ADTRP: variants seen among roughly 807,000 people sequenced by gnomAD.
The protein encoded by ADTRP is androgen dependent TFPI regulating protein.
Under a neutral mutation model 27.0 loss-of-function variants are expected in ADTRP, and 20 were observed. That is an observed-to-expected ratio of 0.74 (90% CI 0.52 to 1.08). The LOEUF (loss-of-function observed/expected upper bound fraction) is 1.08, where lower values mean the gene tolerates loss of function less well. ADTRP is among the 50% of genes least tolerant of loss of function. The probability of loss-of-function intolerance (pLI) is 0.00; values close to 1 mark genes in which losing one functional copy is unlikely to be tolerated. For synonymous variants in ADTRP, 101 were observed against 105.2 expected, an observed-to-expected ratio of 0.96 and a Z score of 0.25; for missense variants, 251 against 275.0, an observed-to-expected ratio of 0.91 and a Z score of 0.62.
chr6:11,753,607 C>A (rs989633998), intron 3 of ADTRP, among the ~76,000 whole-genome samples: 17 of 152,064 alleles, frequency 1.1e-4, no homozygotes, highest in African/African-American at 4.1e-4. Context: ...AAAGAGTATG[C>A]ATATTAATTA....
At chr6:11,771,679 A>G (rs1243545641) in intron 1 of ADTRP, among the ~76,000 whole-genome samples, 2 of 152,212 alleles carry the variant, frequency 1.3e-5, no homozygotes, top group Non-Finnish European at 2.9e-5. Flanking sequence ...CACCAAATTC[A>G]TATGTCGAAA....
rs373274494 is a variant in ADTRP at position 11,775,018 on chromosome 6, C to A, written c.153+3589G>T. Among the ~76,000 whole-genome samples, 30 of 152,270 alleles carry A rather than the reference C, an allele frequency of 2.0e-4. No individual in the cohort carries two copies. In the East Asian group the frequency reaches 5.2e-3, roughly 27 times the overall value. On this transcript the variant is annotated intron_variant, in intron 1 of 5. Coordinates refer to ENST00000414691, the MANE Select transcript of ADTRP (RefSeq NM_032744.4). Reference sequence around the variant, plus strand: ...TGTCTGCTGGAGCCTGCAGACTCTACCACCAGGACGGCCTGGTGCCTGCGG... The same window carrying A: ...TGTCTGCTGGAGCCTGCAGACTCTAACACCAGGACGGCCTGGTGCCTGCGG...
chr6:11,722,940 T>A (rs976306924), intron 5 of ADTRP, among the ~76,000 whole-genome samples: 1 of 152,152 alleles, frequency 6.6e-6, no homozygotes, highest in Non-Finnish European at 1.5e-5. Flanking sequence ...CTGGACTCAC[T>A]TCCCTCAAAA....
At chr6:11,715,825 T>G (rs1223640196) in intron 5 of ADTRP, among the ~76,000 whole-genome samples, 6 of 129,632 alleles carry the variant, frequency 4.6e-5, no homozygotes, top group Admixed American at 7.9e-5. Flanking sequence ...TTTTTTTTTT[T>G]TTTTTTTTTT....
chr6:11,744,492 G>A (rs905442837), intron 3 of ADTRP, among the ~76,000 whole-genome samples: 4 of 152,192 alleles, frequency 2.6e-5, no homozygotes, highest in Admixed American at 6.5e-5. Context: ...AGCAGGAGCT[G>A]GCAGCCCTAC....
intron 3 of ADTRP, chr6:11,754,986 G>A: frequency 1.0e-6 from 1 of 961,566 alleles, no homozygotes; most frequent in Non-Finnish European, 1.2e-6. Flanking sequence ...TTTAGTTTTT[G>A]CTCTTAGTAT....
At position 11,778,626 on chromosome 6, in the gene ADTRP, T is replaced by A. The variant is rs768284693; in HGVS notation, c.134A>T (p.Tyr45Phe). The change falls in exon 1 of 6, where the codon TAT becomes TTT. Residue 45 changes from tyrosine (Y) to phenylalanine (F), a missense_variant. Physicochemically the swap from Tyr to Phe is conservative, Grantham distance 22 (BLOSUM62 3). Transcript: ENST00000414691. Reference sequence around the variant, plus strand: ...ACTTACCAGATTAAGCAGCGTCATATATTTCCACCTTGCACCATTTGCCAA... The same window carrying A: ...ACTTACCAGATTAAGCAGCGTCATAAATTTCCACCTTGCACCATTTGCCAA... ...KILANGARWK[Y>F]MTLLNLLLQT... 1.2e-6 allele frequency: 2 copies of A among 1,614,238 alleles called. No individual in the cohort carries two copies. Among genetic ancestry groups the A allele is most frequent in the East Asian group, 4.5e-5 (2 of 44,892 alleles).
chr6:11,753,911 A>G (rs997550251), intron 3 of ADTRP, among the ~76,000 whole-genome samples: 4 of 152,202 alleles, frequency 2.6e-5, no homozygotes, highest in Admixed American at 2.0e-4. Context: ...TTCTGTTTCA[A>G]TGCCAACATA....
chr6:11,727,045 T>G (rs1281082523), intron 4 of ADTRP, among the ~76,000 whole-genome samples: 2 of 152,198 alleles, frequency 1.3e-5, no homozygotes. Context: ...TTTTTTTAGA[T>G]GGAGTCTCAC....
intron 5 of ADTRP, among the ~76,000 whole-genome samples, chr6:11,718,350 C>T (rs1298268495): frequency 2.0e-5 from 3 of 152,218 alleles, no homozygotes; most frequent in African/African-American, 7.2e-5. Flanking sequence ...GGTGTTTAGC[C>T]CCTTTCTGTG....
At chr6:11,725,075 T>C (rs1460354044) in intron 4 of ADTRP, among the ~76,000 whole-genome samples, 1 of 152,236 alleles carries the variant, frequency 6.6e-6, no homozygotes, top group Non-Finnish European at 1.5e-5. Flanking sequence ...CCAAGGGTGA[T>C]CTCTGTCATT....
intron 3 of ADTRP, among the ~76,000 whole-genome samples, chr6:11,739,880 C>T (rs1382517337): frequency 6.6e-6 from 1 of 152,192 alleles, no homozygotes; most frequent in African/African-American, 2.4e-5. Flanking sequence ...AGGCTGATCA[C>T]ACTCTTATCC....
chr6:11,769,364 T>G (rs1001737535), intron 1 of ADTRP, among the ~76,000 whole-genome samples: 1 of 152,128 alleles, frequency 6.6e-6, no homozygotes, highest in African/African-American at 2.4e-5. Flanking sequence ...GAACAATCTT[T>G]GAGCTCTGGA....
intron 1 of ADTRP, among the ~76,000 whole-genome samples, chr6:11,770,309 A>C (rs765285143): frequency 1.8e-4 from 27 of 152,144 alleles, no homozygotes; most frequent in Non-Finnish European, 3.2e-4. Flanking sequence ...GATTCTAATC[A>C]CGGGCAGCTG....
intron 3 of ADTRP, among the ~76,000 whole-genome samples, chr6:11,749,350 C>A (rs1762968846): frequency 6.6e-6 from 1 of 152,060 alleles, no homozygotes; most frequent in Non-Finnish European, 1.5e-5. Flanking sequence ...ATATATTCAG[C>A]TCTGTACATG....
At chr6:11,752,090 C>T (rs1194905479) in intron 3 of ADTRP, among the ~76,000 whole-genome samples, 1 of 152,188 alleles carries the variant, frequency 6.6e-6, no homozygotes, top group Non-Finnish European at 1.5e-5. Flanking sequence ...ATTACTTTTG[C>T]ATACATTCTG....
intron 2 of ADTRP, among the ~76,000 whole-genome samples, chr6:11,767,388 T>C (rs1763609701): frequency 6.6e-6 from 1 of 152,186 alleles, no homozygotes; most frequent in African/African-American, 2.4e-5. Context: ...AGATTTTACG[T>C]GGGCAGAGGT....
intron 1 of ADTRP, among the ~76,000 whole-genome samples, chr6:11,776,231 G>T (rs183613830): frequency 2.9e-4 from 44 of 152,288 alleles, no homozygotes; most frequent in African/African-American, 1.0e-3. Flanking sequence ...AATCACCACA[G>T]GCAAGCCCCT....
In ADTRP at chr6:11,746,095, CT is replaced by C. The variant is rs1049501603; in HGVS notation, c.391-10413del. ...ATGAGCCACCCCGCCCGTCCATGAACTTTTTTTTTCTTGCTAAGAATCCAAG... is the reference window on the plus strand; with the variant it reads ...ATGAGCCACCCCGCCCGTCCATGAACTTTTTTTTCTTGCTAAGAATCCAAG... On this transcript the variant is annotated intron_variant, in intron 3 of 5. Transcript: ENST00000414691. Among the ~76,000 whole-genome samples the C allele has an allele frequency of 6.6e-5, 10 of 151,916 alleles. No individual in the cohort carries two copies. The East Asian group carries it at 1.7e-3, about 26-fold the overall frequency.
Sources: gnomAD v4.1 joint callset for allele counts (sites outside exome capture counted in the v4.1 genomes callset) on GRCh38, gnomAD v4.1.1 for gene constraint, MANE v1.5 for transcripts, NCBI Gene and HGNC (gene_info 2026-07-23, HGNC 2026-07-21) for gene names.